The following DHX8 variants were observed in gnomAD, a reference collection of about 807,000 sequenced individuals.
DHX8 encodes the protein ATP-dependent RNA helicase DHX8.
DHX8 carries 67 observed loss-of-function variants against 140.7 expected under a neutral mutation model. That is an observed-to-expected ratio of 0.48 (90% CI 0.39 to 0.58). DHX8 has a LOEUF of 0.58. Ranked by LOEUF, DHX8 falls within the 20% of genes least tolerant of loss-of-function variation. DHX8 has a pLI of 0.00. For missense variants in DHX8, 887 were observed against 1,550.7 expected (o/e 0.57, Z 7.19); for synonymous variants, 533 against 553.2 (o/e 0.96, Z 0.51).
chr17:43,487,746 G>C (rs559205501), intron 1 of DHX8, among the ~76,000 whole-genome samples: 2 of 152,120 alleles, frequency 1.3e-5, no homozygotes, highest in African/African-American at 4.8e-5. Flanking sequence ...GGAGGCTGAG[G>C]CAGTAGGATT....
At chr17:43,494,031 G>A (rs922152496) in intron 8 of DHX8, 145 bp downstream of exon 8, 1 of 770,072 alleles carries the variant, frequency 1.3e-6, no homozygotes, top group Non-Finnish European at 2.1e-6. Flanking sequence ...ACGTACCTGA[G>A]ACTGGGCAAT....
chr17:43,507,426 C>G, intron 13 of DHX8, 77 bp from the exon 14 acceptor site: 1 of 1,375,416 alleles, frequency 7.3e-7, no homozygotes, highest in Non-Finnish European at 1.0e-6. Context: ...GTGAGAGTGA[C>G]TGGGCTGAAA....
rs1484932194 is a variant in DHX8, at chr17:43,508,202, C to G, written c.2321-137C>G. The G allele has an allele frequency of 7.2e-6, 9 of 1,250,514 alleles. No individual in the cohort carries two copies. The East Asian group carries it at 2.0e-4, about 27-fold the overall frequency. The allele number at this position is 1,250,514 out of a possible 1,614,324, so 77.5% of individuals were successfully genotyped here. A position where few individuals can be genotyped will look rare whatever the true frequency, so the allele number is the denominator to read the frequency against. The stretch of plus-strand genomic sequence containing the variant: ...GGTTATAATGTCATATATAAACAAA[C>G]TTGTATTGTTTACTTACTGGTCAGA... On this transcript the variant is annotated intron_variant, in intron 15 of 22. Coordinates refer to ENST00000262415, the MANE Select transcript of DHX8 (RefSeq NM_004941.3).
intron 12 of DHX8, among the ~76,000 whole-genome samples, chr17:43,506,070 C>T (rs113960253): frequency 8.6e-5 from 13 of 151,850 alleles, no homozygotes; most frequent in Non-Finnish European, 1.8e-4. Context: ...GTGGCTTGAT[C>T]TCAGCTCACT....
At position 43,513,354 on chromosome 17, in the gene DHX8, G is replaced by C; in HGVS notation, c.2503-8G>C. 3 of 1,612,102 alleles carry C rather than the reference G, an allele frequency of 1.9e-6. No individual in the cohort carries two copies. Among genetic ancestry groups the C allele is most frequent in the Non-Finnish European group, 2.5e-6 (3 of 1,179,038 alleles). On this transcript the variant is annotated splice_polypyrimidine_tract_variant and splice_region_variant and intron_variant, in intron 16 of 22. Coordinates refer to ENST00000262415, the MANE Select transcript of DHX8 (RefSeq NM_004941.3). ...ACCTCACTCCAGCTTTGCCCCTCTT[G>C]CCTGCAGGTTGTGATTGCCACCAAT...
chr17:43,533,411 T>C, intron 2 of DHX8: 1 of 1,497,682 alleles, frequency 6.7e-7, no homozygotes, highest in Non-Finnish European at 9.2e-7. Flanking sequence ...TTTGAACCCT[T>C]CATTCCTAGG....
chr17:43,528,179 G>A (rs1034816643), downstream of DHX8: 20 of 259,942 alleles, frequency 7.7e-5, no homozygotes, highest in African/African-American at 2.0e-4. Flanking sequence ...GTTGGGAAGC[G>A]CCTTCTCTGT....
downstream of DHX8, among the ~76,000 whole-genome samples, chr17:43,531,678 C>G (rs1471535539): frequency 6.6e-6 from 1 of 152,174 alleles, no homozygotes; most frequent in Admixed American, 6.5e-5. Flanking sequence ...TCAAAACAAA[C>G]AAACAGAGCA....
chr17:43,533,907 CTGCTGCAGG>C (rs1971096747), intron 2 of DHX8: 1 of 1,595,906 alleles, frequency 6.3e-7, no homozygotes. Flanking sequence ...TGGCGGCTTC[CTGCTGCAGG>C]ACAGGGCCGG....
At chr17:43,503,539 C>T (rs1469537485) in intron 11 of DHX8, among the ~76,000 whole-genome samples, 4 of 151,656 alleles carry the variant, frequency 2.6e-5, no homozygotes, top group Non-Finnish European at 5.9e-5. Context: ...ATCACGTGCA[C>T]CTGTATTCCC....
chr17:43,507,763 T>A, intron 14 of DHX8, 46 bp from the exon 15 acceptor site: 1 of 1,612,578 alleles, frequency 6.2e-7, no homozygotes, highest in East Asian at 2.2e-5. Context: ...AGTACCTGTG[T>A]CTTTGGGTAG....
At chr17:43,488,397 G>C (rs1161622377) in intron 1 of DHX8, among the ~76,000 whole-genome samples, 3 of 152,108 alleles carry the variant, frequency 2.0e-5, no homozygotes, top group Admixed American at 6.6e-5. Flanking sequence ...GGATCACAAG[G>C]TCAGGAGATC....
intron 2 of DHX8, chr17:43,536,402 C>CT (rs1567712210): frequency 6.2e-7 from 1 of 1,610,078 alleles, no homozygotes. Context: ...TCCCTATACC[C>CT]TCTCCCCAGG....
chr17:43,515,802 G>A (rs1306831722), intron 17 of DHX8, among the ~76,000 whole-genome samples: 1 of 152,126 alleles, frequency 6.6e-6, no homozygotes, highest in African/African-American at 2.4e-5. Flanking sequence ...GTGTGTGATT[G>A]CTGCCTGGAT....
At chr17:43,492,538 G>A in intron 5 of DHX8, 143 bp from the exon 6 acceptor site, 1 of 637,622 alleles carries the variant, frequency 1.6e-6, no homozygotes, top group Non-Finnish European at 2.8e-6. Flanking sequence ...GGCTTATAGG[G>A]ATGTCGTAGT....
At chr17:43,529,958 G>A (rs368062385), downstream of DHX8, 4 of 1,614,144 alleles carry the variant, frequency 2.5e-6, no homozygotes, top group Admixed American at 1.7e-5. Flanking sequence ...ATAGCCTTGT[G>A]GAGGAAATTG....
At chr17:43,485,947 A>C (rs1252396418) in intron 1 of DHX8, among the ~76,000 whole-genome samples, 1 of 152,240 alleles carries the variant, frequency 6.6e-6, no homozygotes, top group Non-Finnish European at 1.5e-5. Flanking sequence ...CTGTAATCCC[A>C]GCACTTTGGA....
chr17:43,539,120 A>T (rs1489313338), intron 3 of DHX8, among the ~76,000 whole-genome samples: 1 of 152,088 alleles, frequency 6.6e-6, no homozygotes, highest in Non-Finnish European at 1.5e-5. Flanking sequence ...ACAGAAATAA[A>T]ATCATTTCTC....
At chr17:43,498,635 G>T (rs1969011244) in intron 9 of DHX8, among the ~76,000 whole-genome samples, 1 of 151,894 alleles carries the variant, frequency 6.6e-6, no homozygotes, top group African/African-American at 2.4e-5. Context: ...TTTTTAATGA[G>T]ATGGGGTTTC....
Sources: allele counts gnomAD v4.1 joint callset (sites outside exome capture counted in the v4.1 genomes callset), GRCh38; gene constraint gnomAD v4.1.1; transcripts MANE v1.5; gene names NCBI Gene and HGNC (gene_info 2026-07-23, HGNC 2026-07-21).